POLA1: variants seen among roughly 807,000 people sequenced by gnomAD.
POLA1 encodes the protein DNA polymerase alpha catalytic subunit.
Under a neutral mutation model 124.0 loss-of-function variants are expected in POLA1, and 15 were observed. The ratio of observed to expected loss-of-function variants is 0.12; its 90% CI spans 0.08 to 0.19. The LOEUF (loss-of-function observed/expected upper bound fraction) is 0.19. POLA1 is among the 10% of genes least tolerant of loss of function. The probability of loss-of-function intolerance (pLI) is 1.00; values close to 1 mark genes in which losing one functional copy is unlikely to be tolerated. For synonymous variants in POLA1, 408 were observed against 389.4 expected (o/e 1.05, Z -0.56); for missense variants, 886 against 1,103.4 (o/e 0.80, Z 2.79).
At chrX:24,963,341 C>T (rs1174677137) in intron 36 of POLA1, among the ~76,000 whole-genome samples, 3 of 111,778 alleles carry the variant, frequency 2.7e-5, no homozygotes, top group East Asian at 5.6e-4. Context: ...TCAGAGCAGT[C>T]GCACAGGATT....
At chrX:24,699,997 G>A (rs1318971584) in intron 2 of POLA1, among the ~76,000 whole-genome samples, 1 of 99,612 alleles carries the variant, frequency 1.0e-5, no homozygotes, top group Non-Finnish European at 2.0e-5. Context: ...CTTCTGCCGT[G>A]TTCTGCTTGT....
intron 36 of POLA1, among the ~76,000 whole-genome samples, chrX:24,949,844 C>G (rs1340905250): frequency 9.2e-6 from 1 of 108,583 alleles, no homozygotes; most frequent in Non-Finnish European, 1.9e-5. Flanking sequence ...AAGCGATTCT[C>G]CTGCCTCAGC....
intron 35 of POLA1, among the ~76,000 whole-genome samples, chrX:24,928,139 G>A (rs1393820254): frequency 1.8e-5 from 2 of 111,698 alleles, no homozygotes; most frequent in African/African-American, 6.5e-5. Context: ...AAGGGCAGGA[G>A]GTGTTGGTAT....
intron 26 of POLA1, among the ~76,000 whole-genome samples, chrX:24,792,398 A>T (rs1258786572): frequency 1.8e-5 from 2 of 111,929 alleles, no homozygotes; most frequent in Admixed American, 1.9e-4. Flanking sequence ...TTCTATTCTA[A>T]CTACACCTAC....
rs112212367 is a variant in POLA1, at chrX:24,926,893, G to A, written c.4165-3560G>A. Among the ~76,000 whole-genome samples the A allele has an allele frequency of 7.1e-3, 772 of 109,448 alleles. 5 individuals are homozygous for A. Among genetic ancestry groups the A allele is most frequent in the African/African-American group, 0.024 (713 of 30,027 alleles). On this transcript the variant is annotated intron_variant, in intron 35 of 36. Transcript: ENST00000379068. The stretch of plus-strand genomic sequence containing the variant: ...TTTGCCCAGGCTGGAGTGCCGTGGC[G>A]TGATCTCGGCTCACTGCAACCTCCA...
chrX:24,712,189 G>T (rs1033249584), intron 4 of POLA1, among the ~76,000 whole-genome samples: 6 of 111,123 alleles, frequency 5.4e-5, no homozygotes, highest in African/African-American at 1.3e-4. Context: ...GGTTTCAAGC[G>T]ATTCTCCTGC....
chrX:24,878,910 G>A (rs180869854), intron 34 of POLA1, among the ~76,000 whole-genome samples: 1,119 of 110,753 alleles, frequency 0.01, 8 homozygotes, highest in Non-Finnish European at 0.015. Flanking sequence ...TGGCAAAACT[G>A]TCTCCTCGTT....
At chrX:24,720,678 G>A (rs1930148365) in intron 10 of POLA1, among the ~76,000 whole-genome samples, 1 of 111,796 alleles carries the variant, frequency 8.9e-6, no homozygotes, top group Non-Finnish European at 1.9e-5. Flanking sequence ...ACCTTAAGAA[G>A]CAACAACCTT....
intron 35 of POLA1, among the ~76,000 whole-genome samples, chrX:24,919,808 G>GTT (rs1195362180): frequency 4.9e-5 from 1 of 20,269 alleles, no homozygotes; most frequent in Non-Finnish European, 9.3e-5. Flanking sequence ...TTTTTTTTTT[G>GTT]TTTTTTTTTT....
chrX:24,741,226 C>A (rs1931637705), intron 20 of POLA1, 149 bp from the exon 21 acceptor site: 1 of 391,658 alleles, frequency 2.6e-6, no homozygotes, highest in African/African-American at 2.6e-5. Flanking sequence ...TACATACTGA[C>A]CTTATTTTAA....
chrX:24,847,894 A>C (rs891203362), intron 34 of POLA1, among the ~76,000 whole-genome samples: 11 of 112,314 alleles, frequency 9.8e-5, no homozygotes, highest in South Asian at 7.4e-4. Context: ...GGTTAACACA[A>C]AATTCTACAA....
intron 26 of POLA1, among the ~76,000 whole-genome samples, chrX:24,800,328 C>T (rs774927711): frequency 8.0e-5 from 9 of 112,343 alleles, no homozygotes; most frequent in African/African-American, 2.6e-4. Flanking sequence ...GAAAAATGCA[C>T]GTAAGCACAC....
intron 32 of POLA1, among the ~76,000 whole-genome samples, chrX:24,833,710 C>T (rs894416944): frequency 8.9e-6 from 1 of 112,264 alleles, no homozygotes; most frequent in Non-Finnish European, 1.9e-5. Context: ...ATAAGACAAG[C>T]AATCTTTGGA....
chrX:24,856,346 AATGT>A (rs1390423055), intron 34 of POLA1, among the ~76,000 whole-genome samples: 1 of 112,070 alleles, frequency 8.9e-6, no homozygotes, highest in Non-Finnish European at 1.9e-5. Context: ...TTTATTGCTG[AATGT>A]ATTCTATCAT....
intron 30 of POLA1, among the ~76,000 whole-genome samples, chrX:24,819,814 C>T (rs918749622): frequency 2.7e-5 from 3 of 111,018 alleles, no homozygotes; most frequent in Non-Finnish European, 3.8e-5. Context: ...TTCCTCCCTA[C>T]TTCCCCGGCA....
rs376944068 is a variant in POLA1, at chrX:24,971,733, C to G, written c.4262-24072C>G. Among the ~76,000 whole-genome samples the G allele has an allele frequency of 7.2e-5, 8 of 111,321 alleles. No individual in the cohort carries two copies. In the East Asian group the frequency reaches 1.7e-3, roughly 24 times the overall value. On this transcript the variant is annotated intron_variant, in intron 36 of 36. Transcript: ENST00000379068. ...GGCTGGCTGTTTTTATATTTACTAA[C>G]CATGGAAGCACTATCATTATAAATT...
chrX:24,937,715 G>A (rs1181952216), intron 36 of POLA1, among the ~76,000 whole-genome samples: 1 of 111,982 alleles, frequency 8.9e-6, no homozygotes, highest in African/African-American at 3.2e-5. Flanking sequence ...CTGACCTACT[G>A]CATCAGCATC....
intron 30 of POLA1, among the ~76,000 whole-genome samples, chrX:24,818,588 A>G (rs1281009642): frequency 1.8e-5 from 2 of 111,164 alleles, no homozygotes; most frequent in Non-Finnish European, 3.8e-5. Flanking sequence ...ACACCTTTAT[A>G]CTCTTAAAAT....
Position 24,996,883 on chromosome X carries a change from T to C in POLA1, c.*933T>C, listed in dbSNP as rs1226234159. 8.9e-6 allele frequency: 1 copy of C among 112,176 alleles called. No homozygotes were observed. Among genetic ancestry groups the C allele is most frequent in the Non-Finnish European group, 1.9e-5 (1 of 53,321 alleles). The allele number at this position is 112,176 out of a possible 1,213,427, so 9.2% of individuals were successfully genotyped here. On this transcript the variant is annotated 3_prime_UTR_variant, in exon 37 of 37. Transcript: ENST00000379068. ...ATTATACTAACAAAATGTTTCCCCTTGTACAATTATGCTGTGTTTTTAAAA... is the reference window on the plus strand; with the variant it reads ...ATTATACTAACAAAATGTTTCCCCTCGTACAATTATGCTGTGTTTTTAAAA...
Sources: gnomAD v4.1 joint callset for allele counts (sites outside exome capture counted in the v4.1 genomes callset) on GRCh38, gnomAD v4.1.1 for gene constraint, MANE v1.5 for transcripts, NCBI Gene and HGNC (gene_info 2026-07-23, HGNC 2026-07-21) for gene names.